Variants in PLEKHG4B observed in about 807,000 individuals in gnomAD.
The protein encoded by PLEKHG4B is pleckstrin homology and RhoGEF domain containing G4B.
PLEKHG4B carries 111 observed loss-of-function variants against 121.3 expected under a neutral mutation model. The observed-to-expected ratio is 0.92, with a 90% CI of 0.78 to 1.07. The LOEUF is 1.07. Ranked by LOEUF, PLEKHG4B falls within the 50% of genes least tolerant of loss-of-function variation. PLEKHG4B has a pLI of 0.00. For synonymous variants in PLEKHG4B, 738 were observed against 725.0 expected (o/e 1.02, Z -0.29); for missense variants, 1,831 against 1,757.8 (o/e 1.04, Z -0.74).
chr5:140,362 G>C lies in PLEKHG4B; in HGVS notation c.1123G>C (p.Asp375His), dbSNP rs773764421. The C allele has an allele frequency of 6.4e-7, 1 of 1,551,872 alleles. No homozygotes were observed. The highest frequency in any genetic ancestry group is 1.4e-5 in the African/African-American group (1 of 73,274). Residue 375 changes from aspartate to histidine, a missense_variant, in exon 3 of 20, where the codon GAC becomes CAC. Asp to His is a moderately conservative substitution (Grantham distance 81, BLOSUM62 -1). Transcript: ENST00000637938. ...PLGSSEEALG[D>H]LACSSLTGAS... ...GGGCAGCTCTGAGGAGGCCCTCGGG[G>C]ACCTGGCCTGCAGCTCCCTGACTGG...
chr5:181,091 C>A (rs955273138), intron 18 of PLEKHG4B, among the ~76,000 whole-genome samples: 1 of 152,168 alleles, frequency 6.6e-6, no homozygotes, highest in East Asian at 1.9e-4. Flanking sequence ...AAACTCTCAC[C>A]TTATGCTTAG....
At chr5:181,701 C>T (rs1476542789) in intron 19 of PLEKHG4B, 26 bp downstream of exon 19, 1 of 1,602,916 alleles carries the variant, frequency 6.2e-7, no homozygotes, top group Admixed American at 1.7e-5. Flanking sequence ...CCCGCCCTCA[C>T]TCACCCTGCA....
At position 113,412 on chromosome 5, in the gene PLEKHG4B, C is replaced by T; in HGVS notation, c.207C>T (p.Ala69=). ...GCCTCACCAGCTTCCTCCTCCCAGC[C>T]AAGAGGGCCCTGCAGCACCTGCAGC... The part of the protein sequence containing the change: ...LHCLTSFLLP[A]KRALQHLQQE... Residue 69 remains alanine (A), a synonymous_variant, in exon 2 of 20, where the codon GCC becomes GCT. Coordinates refer to ENST00000637938, the MANE Select transcript of PLEKHG4B (RefSeq NM_052909.5). This position sits in a 1 kb window ranked among gnomAD's most constrained non-coding sequence, Gnocchi z 5.2. 2.5e-6 allele frequency: 1 copy of T among 399,130 alleles called. No individual in the cohort carries two copies. The highest frequency in any genetic ancestry group is 4.4e-6 in the Non-Finnish European group (1 of 226,136). 24.7% of individuals were successfully genotyped at this position (399,130 alleles called of 1,614,324 possible).
At chr5:147,457 G>A (rs1309088613) in intron 6 of PLEKHG4B, among the ~76,000 whole-genome samples, 5 of 152,232 alleles carry the variant, frequency 3.3e-5, no homozygotes, top group African/African-American at 1.2e-4. Context: ...CTGACCAGAG[G>A]TTACCTGGGC....
intron 13 of PLEKHG4B, among the ~76,000 whole-genome samples, chr5:167,942 G>C (rs1449816183): frequency 6.6e-6 from 1 of 152,242 alleles, no homozygotes; most frequent in Non-Finnish European, 1.5e-5. Context: ...GGGAAGCCCA[G>C]TTTGGGCCTC....
chr5:101,840 G>C (rs1006229150), intron 1 of PLEKHG4B, among the ~76,000 whole-genome samples: 1 of 103,528 alleles, frequency 9.7e-6, no homozygotes, highest in Non-Finnish European at 1.8e-5. Flanking sequence ...ATAGGGGAGA[G>C]ACTGTTGTGA....
At chr5:153,737 G>A (rs1257349831) in intron 7 of PLEKHG4B, among the ~76,000 whole-genome samples, 1 of 152,178 alleles carries the variant, frequency 6.6e-6, no homozygotes, top group Non-Finnish European at 1.5e-5. Flanking sequence ...TGAGACTGGA[G>A]TGCAGTGGTG....
intron 6 of PLEKHG4B, among the ~76,000 whole-genome samples, chr5:148,361 AT>A (rs60830812): frequency 8.8e-4 from 134 of 151,674 alleles, no homozygotes; most frequent in African/African-American, 3.0e-3. Context: ...AAAAAAATAA[AT>A]AAAAATAAGT....
At chr5:107,012 G>T (rs571562996) in intron 1 of PLEKHG4B, among the ~76,000 whole-genome samples, 1 of 152,252 alleles carries the variant, frequency 6.6e-6, no homozygotes, top group African/African-American at 2.4e-5. Flanking sequence ...GGCCTGCTCA[G>T]TGCAGACATG....
At chr5:115,788 A>G (rs1026424197) in intron 2 of PLEKHG4B, among the ~76,000 whole-genome samples, 2 of 152,202 alleles carry the variant, frequency 1.3e-5, no homozygotes, top group African/African-American at 2.4e-5. Context: ...CTCAGCCTTC[A>G]TAGAACTGAA....
At chr5:155,479 G>A (rs1425743018) in intron 9 of PLEKHG4B, 36 bp downstream of exon 9, 1 of 1,530,454 alleles carries the variant, frequency 6.5e-7, no homozygotes. Flanking sequence ...TTCATTTCAT[G>A]TGACAGGTAG....
At chr5:143,875 A>G (rs1044539401) in intron 5 of PLEKHG4B, among the ~76,000 whole-genome samples, 4 of 152,256 alleles carry the variant, frequency 2.6e-5, no homozygotes, top group African/African-American at 9.6e-5. Context: ...GTCCAGACAC[A>G]CAACTTAATT....
chr5:149,401 C>T (rs1735530542), intron 6 of PLEKHG4B, among the ~76,000 whole-genome samples: 1 of 151,726 alleles, frequency 6.6e-6, no homozygotes, highest in Non-Finnish European at 1.5e-5. Flanking sequence ...ATTAGCTGAG[C>T]ATGGTGGTGC....
intron 1 of PLEKHG4B, among the ~76,000 whole-genome samples, chr5:105,692 C>T (rs549389083): frequency 1.3e-5 from 2 of 152,322 alleles, no homozygotes; most frequent in Non-Finnish European, 2.9e-5. Context: ...GCCAGCAGAC[C>T]CTTGGAGGAA....
At chr5:135,379 A>C (rs1314518907) in intron 2 of PLEKHG4B, among the ~76,000 whole-genome samples, 1 of 151,454 alleles carries the variant, frequency 6.6e-6, no homozygotes, top group Non-Finnish European at 1.5e-5. Context: ...TTAATATTGT[A>C]AAATGGGCCG....
At chr5:170,629 C>T (rs1736511970) in intron 14 of PLEKHG4B, among the ~76,000 whole-genome samples, 1 of 152,156 alleles carries the variant, frequency 6.6e-6, no homozygotes, top group Non-Finnish European at 1.5e-5. Context: ...TGCTTTTAGA[C>T]ATAAAGTGCA....
chr5:144,216 A>G (rs1241448654), intron 5 of PLEKHG4B: 1 of 152,444 alleles, frequency 6.6e-6, no homozygotes, highest in Non-Finnish European at 1.5e-5. Context: ...AAATTTTGTA[A>G]AATGAATATA....
rs151174772 is a variant in PLEKHG4B, at chr5:177,038, G to A, written c.4402+2940G>A. ...CCTCTTGACTTCTCCAGTTTTGCCA[G>A]GGATTTGCCAAATTAGTCTTCTCAG... On this transcript the variant is annotated intron_variant, in intron 18 of 19. Coordinates refer to ENST00000637938, the MANE Select transcript of PLEKHG4B (RefSeq NM_052909.5). Among the ~76,000 whole-genome samples, 430 of 152,320 alleles carry A rather than the reference G, an allele frequency of 2.8e-3. 5 individuals carry two copies. The highest frequency in any genetic ancestry group is 4.7e-3 in the Admixed American group (72 of 15,298).
At chr5:105,560 A>G (rs992221749) in intron 1 of PLEKHG4B, among the ~76,000 whole-genome samples, 1 of 152,242 alleles carries the variant, frequency 6.6e-6, no homozygotes, top group Non-Finnish European at 1.5e-5. Flanking sequence ...GGCCAGGTGT[A>G]CTGTTTAAAA....
Sources: allele counts gnomAD v4.1 joint callset (sites outside exome capture counted in the v4.1 genomes callset), GRCh38; gene constraint gnomAD v4.1.1; non-coding constraint Gnocchi (gnomAD v3.1); transcripts MANE v1.5; gene names NCBI Gene and HGNC (gene_info 2026-07-23, HGNC 2026-07-21).